CNOT1: variants seen among roughly 807,000 people sequenced by gnomAD.
CNOT1 encodes the protein CCR4-associated factor 1.
A neutral mutation model predicts 273.8 loss-of-function variants in CNOT1; 15 were observed. The observed-to-expected ratio is 0.05, with a 90% CI of 0.04 to 0.08. The LOEUF (loss-of-function observed/expected upper bound fraction) is 0.08. Among genes scored for constraint, CNOT1 ranks in the 10% least tolerant of loss-of-function variants. The pLI, the probability that CNOT1 is intolerant of heterozygous loss-of-function variation, is 1.00. For missense variants in CNOT1, 1,644 were observed against 2,912.2 expected, an observed-to-expected ratio of 0.56 and a Z score of 10.02; for synonymous variants, 1,022 against 1,005.5, an observed-to-expected ratio of 1.02 and a Z score of -0.31.
At chr16:58,544,438 T>C (rs2040192243) in intron 30 of CNOT1, among the ~76,000 whole-genome samples, 1 of 128,772 alleles carries the variant, frequency 7.8e-6, no homozygotes, top group Non-Finnish European at 1.6e-5. Flanking sequence ...TCCCTTTAAC[T>C]TGTTGAATTA....
At chr16:58,542,160 G>A (rs1326796177) in intron 33 of CNOT1, 71 bp downstream of exon 33, 1 of 1,557,452 alleles carries the variant, frequency 6.4e-7, no homozygotes, top group Non-Finnish European at 8.8e-7. Context: ...TTCCAGTAAG[G>A]AGTTCAATCA....
At chr16:58,541,648 G>C in intron 33 of CNOT1, 28 bp from the exon 34 acceptor site, 1 of 1,606,586 alleles carries the variant, frequency 6.2e-7, no homozygotes, top group East Asian at 2.2e-5. Context: ...TATTTTGACA[G>C]AATTCACTCA....
chr16:58,595,822 T>G (rs1480510086), intron 2 of CNOT1, among the ~76,000 whole-genome samples: 1 of 152,142 alleles, frequency 6.6e-6, no homozygotes. Context: ...AGGCAGTAAC[T>G]AGCCAGACAA....
At chr16:58,621,415 A>G (rs1382137764) in intron 1 of CNOT1, among the ~76,000 whole-genome samples, 1 of 151,946 alleles carries the variant, frequency 6.6e-6, no homozygotes, top group African/African-American at 2.4e-5. Flanking sequence ...CTGAGATTAC[A>G]GGCACGCGCC....
intron 2 of CNOT1, among the ~76,000 whole-genome samples, chr16:58,592,906 G>C (rs2042111688): frequency 6.6e-6 from 1 of 152,132 alleles, no homozygotes; most frequent in Non-Finnish European, 1.5e-5. Flanking sequence ...CCAAAGGAGT[G>C]TGCCGGAAAA....
intron 16 of CNOT1, among the ~76,000 whole-genome samples, chr16:58,566,678 A>AT (rs2041054380): frequency 6.6e-6 from 1 of 151,932 alleles, no homozygotes; most frequent in Admixed American, 6.6e-5. Flanking sequence ...TCTTTTTTTT[A>AT]TTTTTGAGAC....
chr16:58,623,941 GATCGTGCCACT>G (rs2043452425), intron 1 of CNOT1, among the ~76,000 whole-genome samples: 1 of 151,820 alleles, frequency 6.6e-6, no homozygotes, highest in South Asian at 2.1e-4. Context: ...AGCAAGCCTA[GATCGTGCCACT>G]GCACTCCAGC....
intron 31 of CNOT1, among the ~76,000 whole-genome samples, 157 bp from the exon 32 acceptor site, chr16:58,542,725 T>C (rs1259699094): frequency 6.6e-6 from 1 of 152,220 alleles, no homozygotes; most frequent in African/African-American, 2.4e-5. Flanking sequence ...TGAAACAGTC[T>C]TAACAGCTTC....
At chr16:58,588,671 C>G (rs1294265978) in intron 3 of CNOT1, 128 bp downstream of exon 3, 24 of 1,231,872 alleles carry the variant, frequency 1.9e-5, no homozygotes, top group Non-Finnish European at 2.5e-5. Flanking sequence ...AATCTAACAC[C>G]TTTTCACCAT....
At chr16:58,581,159 AG>A (rs914903148) in intron 11 of CNOT1, among the ~76,000 whole-genome samples, 185 bp downstream of exon 11, 54 of 152,152 alleles carry the variant, frequency 3.5e-4, no homozygotes, top group African/African-American at 1.1e-3. Context: ...TACACCTTAA[AG>A]GAGTCTGCCT....
In CNOT1 at chr16:58,585,397, G is replaced by A. The variant is rs1233190437; in HGVS notation, c.747C>T (p.Thr249=). Reference sequence around the variant, plus strand: ...AATCAGCCAAAGAGCTCTCCATCATGGTTTTAGCTACCCCTCCGGAATCAG... The same window carrying A: ...AATCAGCCAAAGAGCTCTCCATCATAGTTTTAGCTACCCCTCCGGAATCAG... ...ILPDSGGVAK[T]MMESSLADFM... Residue 249 remains threonine (T), a synonymous_variant, in exon 8 of 49, where the codon ACC becomes ACT. Transcript: ENST00000317147. The A allele has an allele frequency of 1.2e-6, 2 of 1,613,808 alleles. No homozygotes were observed. The highest frequency in any genetic ancestry group is 1.7e-5 in the Admixed American group (1 of 60,002).
intron 17 of CNOT1, 118 bp from the exon 18 acceptor site, chr16:58,558,792 C>T (rs1438475535): frequency 3.0e-6 from 4 of 1,336,070 alleles, no homozygotes; most frequent in Non-Finnish European, 4.1e-6. Flanking sequence ...TACACCCACT[C>T]AATCACGATG....
Position 58,541,585 on chromosome 16 carries a change from G to A in CNOT1, c.4716C>T (p.Tyr1572=), listed in dbSNP as rs11540994. 520,410 of 1,613,122 alleles carry A rather than the reference G, an allele frequency of 0.32. 91,063 individuals are homozygous for A. The highest frequency in any genetic ancestry group is 0.61 in the East Asian group (27,214 of 44,866). ...GGVDPKQLAV[Y]EEFARNVPGF... Reference sequence around the variant, plus strand: ...CAGGAACATTGCGTGCAAACTCTTCGTAAACAGCCAACTGCTTTGGGTCCA... The same window carrying A: ...CAGGAACATTGCGTGCAAACTCTTCATAAACAGCCAACTGCTTTGGGTCCA... Residue 1572 remains tyrosine, a synonymous_variant, in exon 34 of 49, where the codon TAC becomes TAT. Transcript: ENST00000317147.
chr16:58,596,007 G>C (rs2042237599), intron 2 of CNOT1, among the ~76,000 whole-genome samples: 1 of 152,196 alleles, frequency 6.6e-6, no homozygotes, highest in South Asian at 2.1e-4. Context: ...TTGGGATGAA[G>C]GTACCGCAAA....
intron 29 of CNOT1, among the ~76,000 whole-genome samples, 196 bp downstream of exon 29, chr16:58,546,125 C>A (rs2040250719): frequency 6.6e-6 from 1 of 152,088 alleles, no homozygotes. Flanking sequence ...CATGAACTGT[C>A]AGGATGGAAT....
intron 36 of CNOT1, 77 bp downstream of exon 36, chr16:58,538,695 T>G: frequency 1.3e-6 from 2 of 1,573,482 alleles, no homozygotes. Context: ...GGGAAACCCC[T>G]GGACATAAAC....
At chr16:58,583,853 A>G (rs1343799167) in intron 8 of CNOT1, among the ~76,000 whole-genome samples, 1 of 151,822 alleles carries the variant, frequency 6.6e-6, no homozygotes, top group Non-Finnish European at 1.5e-5. Flanking sequence ...AATTTTTTTA[A>G]AACAGGCAAA....
chr16:58,538,917 A>G lies in CNOT1; in HGVS notation c.4993-3T>C, dbSNP rs955275576. 6.2e-6 allele frequency: 10 copies of G among 1,608,756 alleles called. No homozygotes were observed. The African/African-American group carries it at 1.1e-4, about 18-fold the overall frequency. The stretch of plus-strand genomic sequence containing the variant: ...GCATCTAGTAAGCCCTCTACAGCCT[A>G]TGGGAGAAAGAAAGCGTTCAAAACC... On this transcript the variant is annotated splice_polypyrimidine_tract_variant and splice_region_variant and intron_variant, in intron 35 of 48. Coordinates refer to ENST00000317147, the MANE Select transcript of CNOT1 (RefSeq NM_016284.5).
chr16:58,610,898 G>A (rs376733616), intron 1 of CNOT1, among the ~76,000 whole-genome samples: 32 of 152,010 alleles, frequency 2.1e-4, no homozygotes, highest in East Asian at 1.4e-3. Context: ...TCAGCCGGGC[G>A]TGGTGGCAGG....
Sources: allele counts gnomAD v4.1 joint callset (sites outside exome capture counted in the v4.1 genomes callset), GRCh38; gene constraint gnomAD v4.1.1; transcripts MANE v1.5; gene names NCBI Gene and HGNC (gene_info 2026-07-23, HGNC 2026-07-21).